Variants in ZFR observed in about 807,000 individuals in gnomAD.
The protein encoded by ZFR is zinc finger RNA-binding protein.
Under a neutral mutation model 130.7 loss-of-function variants are expected in ZFR, and 19 were observed. The observed-to-expected ratio is 0.15, with a 90% CI of 0.10 to 0.21. ZFR has a LOEUF of 0.21. Ranked by LOEUF, ZFR falls within the 10% of genes least tolerant of loss-of-function variation. The probability of loss-of-function intolerance (pLI) is 1.00; values close to 1 mark genes in which losing one functional copy is unlikely to be tolerated. For synonymous variants in ZFR, 466 were observed against 456.9 expected, an observed-to-expected ratio of 1.02 and a Z score of -0.25; for missense variants, 872 against 1,321.5, an observed-to-expected ratio of 0.66 and a Z score of 5.27.
intron 19 of ZFR, among the ~76,000 whole-genome samples, chr5:32,360,691 A>G (rs554298966): frequency 2.9e-4 from 44 of 152,296 alleles, no homozygotes; most frequent in African/African-American, 1.0e-3. Context: ...ATATATCTAG[A>G]TATCAAAGAG....
chr5:32,370,673 G>C (rs1752651974), intron 17 of ZFR, among the ~76,000 whole-genome samples: 1 of 152,180 alleles, frequency 6.6e-6, no homozygotes, highest in South Asian at 2.1e-4. Context: ...CATTGTGCTA[G>C]GTCTATAATA....
intron 17 of ZFR, among the ~76,000 whole-genome samples, chr5:32,376,769 C>A (rs1009716679): frequency 2.0e-5 from 3 of 151,974 alleles, no homozygotes; most frequent in Admixed American, 1.3e-4. Context: ...GGCAGATCAC[C>A]CAAGGTTAGC....
chr5:32,440,657 A>G (rs1287259307), intron 2 of ZFR, among the ~76,000 whole-genome samples: 1 of 152,084 alleles, frequency 6.6e-6, no homozygotes, highest in African/African-American at 2.4e-5. Flanking sequence ...AAAAACAAAA[A>G]AAAAAACAAA....
intron 5 of ZFR, among the ~76,000 whole-genome samples, chr5:32,413,168 G>A (rs997942069): frequency 7.3e-5 from 11 of 150,672 alleles, no homozygotes; most frequent in African/African-American, 2.4e-4. Context: ...CAGCCGAGGC[G>A]ACAGAGTGAG....
chr5:32,415,218 G>C (rs1287048599), intron 4 of ZFR, 31 bp from the exon 5 acceptor site: 1 of 1,593,332 alleles, frequency 6.3e-7, no homozygotes, highest in Non-Finnish European at 8.6e-7. Context: ...CAGAAAATTA[G>C]AAGAGTAAGC....
chr5:32,371,202 T>C (rs76578348), intron 17 of ZFR, among the ~76,000 whole-genome samples: 2,557 of 152,224 alleles, frequency 0.017, 37 homozygotes, highest in Non-Finnish European at 0.026. Flanking sequence ...AGATCTCATC[T>C]CTATTAAAAA....
intron 14 of ZFR, 146 bp from the exon 15 acceptor site, chr5:32,385,795 C>A: frequency 1.4e-6 from 1 of 712,912 alleles, no homozygotes; most frequent in Non-Finnish European, 2.2e-6. Flanking sequence ...GGAAGCCCTG[C>A]CGTACATGCC....
chr5:32,366,243 T>C (rs116775474), intron 17 of ZFR, among the ~76,000 whole-genome samples: 16 of 152,350 alleles, frequency 1.1e-4, no homozygotes, highest in Non-Finnish European at 2.4e-4. Context: ...AAACACAAAA[T>C]TGAAGTCATA....
chr5:32,415,210 G>A, intron 4 of ZFR, 23 bp from the exon 5 acceptor site: 5 of 1,606,054 alleles, frequency 3.1e-6, no homozygotes, highest in Non-Finnish European at 4.3e-6. Context: ...AGAGACATCA[G>A]AAAATTAGAA....
Position 32,403,339 on chromosome 5 carries a change from A to T in ZFR, c.1283T>A (p.Val428Asp). The T allele has an allele frequency of 6.2e-7, 1 of 1,614,232 alleles. No homozygotes were observed. The highest frequency in any genetic ancestry group is 8.5e-7 in the Non-Finnish European group (1 of 1,180,030). ...KPIPSTEPNVVSQATSSTAVS... is the reference protein window; with the variant it reads ...KPIPSTEPNVDSQATSSTAVS... ...AGCTGTTGAAGAAGTAGCTTGGCTAACAACATTTGGTTCTGTTGATGGAAT... is the reference window on the plus strand; with the variant it reads ...AGCTGTTGAAGAAGTAGCTTGGCTATCAACATTTGGTTCTGTTGATGGAAT... The change falls in exon 8 of 20, where the codon GTT becomes GAT. Residue 428 changes from valine (V) to aspartate (D), a missense_variant. Physicochemically the swap from Val to Asp is radical, Grantham distance 152. This residue lies in a region of ZFR where 143 missense variants were observed against 137.9 expected (regional missense o/e 1.04). Transcript: ENST00000265069.
intron 17 of ZFR, among the ~76,000 whole-genome samples, chr5:32,378,830 T>C (rs993823116): frequency 2.6e-5 from 4 of 151,238 alleles, no homozygotes; most frequent in East Asian, 3.9e-4. Context: ...ATTTGTATAT[T>C]ATATGTAAAA....
At chr5:32,415,511 T>TGCGCGCGCGC (rs1336806329) in intron 4 of ZFR, among the ~76,000 whole-genome samples, 1 of 93,484 alleles carries the variant, frequency 1.1e-5, no homozygotes, top group Non-Finnish European at 2.1e-5. Context: ...TGTGTGTGTG[T>TGCGCGCGCGC]GTGTGCGCGC....
At chr5:32,379,633 G>C (rs1251902691) in intron 16 of ZFR, 3 of 214,040 alleles carry the variant, frequency 1.4e-5, no homozygotes, top group Non-Finnish European at 2.8e-5. Context: ...AAACCAAACA[G>C]CTGCTTCCTC....
In ZFR at chr5:32,444,690, T is replaced by C; in HGVS notation, c.-32A>G. ...GGGCTGCTGCTGCTGAACTCTGAAC[T>C]CTCACCCGCTGCCTCCCTCCTCTGC... is the stretch of plus-strand genomic sequence containing the variant. On this transcript the variant is annotated 5_prime_UTR_variant, in exon 1 of 20. Transcript: ENST00000265069. 6.7e-7 allele frequency: 1 copy of C among 1,503,398 alleles called. No homozygotes were observed. Among genetic ancestry groups the C allele is most frequent in the Non-Finnish European group, 8.9e-7 (1 of 1,126,106 alleles). 93.1% of individuals were successfully genotyped at this position (1,503,398 alleles called of 1,614,324 possible). A position where few individuals can be genotyped will look rare whatever the true frequency, so the allele number is the denominator to read the frequency against.
At chr5:32,363,028 T>G (rs1228657394) in intron 19 of ZFR, among the ~76,000 whole-genome samples, 1 of 152,252 alleles carries the variant, frequency 6.6e-6, no homozygotes, top group Admixed American at 6.5e-5. Flanking sequence ...AATTTGGTCA[T>G]ATTTTGAGTC....
intron 3 of ZFR, 60 bp from the exon 4 acceptor site, chr5:32,417,852 T>A: frequency 6.4e-7 from 1 of 1,555,492 alleles, no homozygotes; most frequent in Non-Finnish European, 8.8e-7. Context: ...AAAAAATACT[T>A]ACTGTATAGA....
chr5:32,418,067 T>A (rs1432111689), intron 3 of ZFR, among the ~76,000 whole-genome samples: 1 of 152,120 alleles, frequency 6.6e-6, no homozygotes, highest in Non-Finnish European at 1.5e-5. Context: ...AAGACCATCC[T>A]GGCTAACACG....
chr5:32,379,196 A>C lies in ZFR; in HGVS notation c.2754T>G (p.Gly918=), dbSNP rs1752887399. Residue 918 remains glycine (G), a synonymous_variant, in exon 17 of 20, where the codon GGT becomes GGG. Coordinates refer to ENST00000265069, the MANE Select transcript of ZFR (RefSeq NM_016107.5). ...GTATGATAATCACACAGGACTGCAG[A>C]CCATTAGCTCTAGCCTTGAGAGCAA... ...HAKWFQARAN[G]LQSCVIIIRI... 6.2e-7 allele frequency: 1 copy of C among 1,613,970 alleles called. No individual in the cohort carries two copies.
At chr5:32,408,546 T>G (rs1753628748) in intron 5 of ZFR, among the ~76,000 whole-genome samples, 1 of 152,174 alleles carries the variant, frequency 6.6e-6, no homozygotes, top group Admixed American at 6.5e-5. Context: ...AACATCTTCA[T>G]TATTGGTAAC....
Sources: allele counts gnomAD v4.1 joint callset (sites outside exome capture counted in the v4.1 genomes callset), GRCh38; gene constraint gnomAD v4.1.1; regional missense constraint gnomAD v4.1.1; transcripts MANE v1.5; gene names NCBI Gene and HGNC (gene_info 2026-07-23, HGNC 2026-07-21).